The following PRH1 variants were observed in gnomAD, a reference collection of about 807,000 sequenced individuals.
PRH1 encodes the protein salivary acidic proline-rich phosphoprotein 1/2.
Under a neutral mutation model 7.9 loss-of-function variants are expected in PRH1, and 7 were observed. The observed-to-expected ratio is 0.89, with a 90% confidence interval of 0.50 to 1.67. The LOEUF is 1.67. Ranked by LOEUF, PRH1 falls within the 40% of genes most tolerant of loss-of-function variation. The probability of loss-of-function intolerance (pLI) is 0.00; values close to 1 mark genes in which losing one functional copy is unlikely to be tolerated. For synonymous variants in PRH1, 45 were observed against 80.8 expected (o/e 0.56, Z 2.38); for missense variants, 109 against 223.6 (o/e 0.49, Z 3.27).
At chr12:11,109,154 A>C (rs1945516212) in intron 1 of PRH1, among the ~76,000 whole-genome samples, 1 of 152,188 alleles carries the variant, frequency 6.6e-6, no homozygotes, top group South Asian at 2.1e-4. Context: ...TCTGAAAGAA[A>C]GGCAGCAGCC....
intron 1 of PRH1, chr12:11,030,694 T>G: frequency 6.2e-7 from 1 of 1,614,188 alleles, no homozygotes; most frequent in African/African-American, 1.3e-5. Context: ...CTTGAGATCC[T>G]TTACCATGGA....
chr12:10,888,061 C>G, upstream of PRH1, among the ~76,000 whole-genome samples: 1 of 152,250 alleles, frequency 6.6e-6, no homozygotes, highest in East Asian at 1.9e-4. Context: ...TCTAGAGAAG[C>G]ACCCATTTTT....
At chr12:11,059,921 G>A (rs1179339079) in intron 1 of PRH1, among the ~76,000 whole-genome samples, 1 of 152,046 alleles carries the variant, frequency 6.6e-6, no homozygotes, top group Non-Finnish European at 1.5e-5. Flanking sequence ...CTGGGTTCTA[G>A]GTCCTGGGAG....
intron 1 of PRH1, among the ~76,000 whole-genome samples, chr12:11,165,246 T>C (rs558701461): frequency 1.3e-5 from 2 of 152,290 alleles, no homozygotes; most frequent in Admixed American, 1.3e-4. Flanking sequence ...AGGATTCTAG[T>C]TGCCCCCTAT....
chr12:10,934,814 T>C (rs1400259060), intron 2 of PRH1, among the ~76,000 whole-genome samples: 1 of 152,190 alleles, frequency 6.6e-6, no homozygotes, highest in Non-Finnish European at 1.5e-5. Flanking sequence ...GAATTCTCAT[T>C]GTTAATAAAC....
At chr12:11,008,500 T>G (rs887554874) in intron 1 of PRH1, among the ~76,000 whole-genome samples, 3 of 150,604 alleles carry the variant, frequency 2.0e-5, no homozygotes, top group African/African-American at 7.3e-5. Context: ...TCATATCTCC[T>G]GAGGTAAGCA....
At chr12:11,025,573 C>T (rs79266340) in intron 1 of PRH1, among the ~76,000 whole-genome samples, 1 of 152,080 alleles carries the variant, frequency 6.6e-6, no homozygotes, top group African/African-American at 2.4e-5. Context: ...AAAATATATT[C>T]AGGGATACAT....
At chr12:11,082,154 T>G (rs1944519710) in intron 1 of PRH1, among the ~76,000 whole-genome samples, 1 of 115,832 alleles carries the variant, frequency 8.6e-6, no homozygotes, top group African/African-American at 2.9e-5. Context: ...CAAAAATAAA[T>G]CATTTAATAA....
At chr12:10,970,368 A>G (rs1040707290) in intron 2 of PRH1, among the ~76,000 whole-genome samples, 1 of 152,190 alleles carries the variant, frequency 6.6e-6, no homozygotes, top group Non-Finnish European at 1.5e-5. Context: ...TAATATCTAC[A>G]GTACCATAAT....
chr12:11,070,534 G>A (rs1168979618), intron 1 of PRH1, among the ~76,000 whole-genome samples: 1 of 152,180 alleles, frequency 6.6e-6, no homozygotes, highest in Non-Finnish European at 1.5e-5. Context: ...TGTCTTCCAA[G>A]AGACTTCCAA....
chr12:10,997,217 C>T (rs1485770909), intron 1 of PRH1: 1 of 1,613,916 alleles, frequency 6.2e-7, no homozygotes, highest in Admixed American at 1.7e-5. Context: ...GATCTTGGTG[C>T]TGGGATCTTG....
intron 1 of PRH1, among the ~76,000 whole-genome samples, chr12:11,144,095 A>C (rs1028011978): frequency 6.6e-6 from 1 of 152,132 alleles, no homozygotes; most frequent in East Asian, 1.9e-4. Context: ...CTTTCCAGAA[A>C]GCATCAGCTG....
chr12:11,166,571 A>T (rs1947590700), intron 1 of PRH1, among the ~76,000 whole-genome samples: 1 of 152,142 alleles, frequency 6.6e-6, no homozygotes, highest in African/African-American at 2.4e-5. Flanking sequence ...GAACATGTGT[A>T]GTTTTCTTGC....
At chr12:11,064,880 C>A (rs377158609) in intron 1 of PRH1, among the ~76,000 whole-genome samples, 1 of 151,896 alleles carries the variant, frequency 6.6e-6, no homozygotes, top group African/African-American at 2.4e-5. Flanking sequence ...TGCAACACAG[C>A]GAAACTGTGT....
chr12:11,040,038 C>G (rs778378204), intron 1 of PRH1, among the ~76,000 whole-genome samples: 1 of 152,134 alleles, frequency 6.6e-6, no homozygotes, highest in Non-Finnish European at 1.5e-5. Flanking sequence ...CCAGTTAATA[C>G]TTAAATATTT....
chr12:11,159,855 A>T (rs1441138346), intron 1 of PRH1, among the ~76,000 whole-genome samples: 1 of 152,226 alleles, frequency 6.6e-6, no homozygotes. Flanking sequence ...CATGAAAAAA[A>T]TAGTTTGTTC....
intron 1 of PRH1, among the ~76,000 whole-genome samples, chr12:11,148,432 G>A (rs1403404138): frequency 8.9e-4 from 126 of 142,110 alleles, no homozygotes; most frequent in African/African-American, 2.6e-3. Context: ...GTCTGTCATA[G>A]ATAGCTCTTA....
intron 1 of PRH1, among the ~76,000 whole-genome samples, chr12:11,160,035 A>C (rs1592125777): frequency 6.6e-6 from 1 of 152,198 alleles, no homozygotes. Context: ...GTAATGACTA[A>C]AGAAGCGAAG....
intron 1 of PRH1, among the ~76,000 whole-genome samples, chr12:11,168,669 T>C (rs910635996): frequency 1.3e-5 from 2 of 152,168 alleles, no homozygotes; most frequent in African/African-American, 4.8e-5. Context: ...GCTCCTACTA[T>C]CTGGAAAAGC....
Sources: gnomAD v4.1 joint callset for allele counts (sites outside exome capture counted in the v4.1 genomes callset) on GRCh38, gnomAD v4.1.1 for gene constraint, MANE v1.5 for transcripts, NCBI Gene and HGNC (gene_info 2026-07-23, HGNC 2026-07-21) for gene names.